DNAH11: variants seen among roughly 807,000 people sequenced by gnomAD.
The protein encoded by DNAH11 is dynein axonemal heavy chain 11, also known as axonemal beta dynein heavy chain 11.
A neutral mutation model predicts 526.0 loss-of-function variants in DNAH11; 442 were observed. The observed-to-expected ratio is 0.84, with a 90% CI of 0.78 to 0.91. The LOEUF (loss-of-function observed/expected upper bound fraction) is 0.91, where lower values mean the gene tolerates loss of function less well. Among genes scored for constraint, DNAH11 ranks in the 40% least tolerant of loss-of-function variants. The probability of loss-of-function intolerance (pLI) is 0.00; values close to 1 mark genes in which losing one functional copy is unlikely to be tolerated. For synonymous variants in DNAH11, 2,461 were observed against 1,935.9 expected, an observed-to-expected ratio of 1.27 and a Z score of -7.12; for missense variants, 6,989 against 5,448.7, an observed-to-expected ratio of 1.28 and a Z score of -8.90.
rs76496941 is a variant in DNAH11, at chr7:21,795,839, G to A, written c.10027-5298G>A. Among the ~76,000 whole-genome samples, 1,503 of 152,310 alleles carry A rather than the reference G, an allele frequency of 9.9e-3. 18 individuals are homozygous for A. Among genetic ancestry groups the A allele is most frequent in the African/African-American group, 0.034 (1,414 of 41,556 alleles). Reference sequence around the variant, plus strand: ...AGAATGGAGTTGGTCAGTTCTGCACGTGAGGATGGGGTTGGGTGCTCAGGA... The same window carrying A: ...AGAATGGAGTTGGTCAGTTCTGCACATGAGGATGGGGTTGGGTGCTCAGGA... On this transcript the variant is annotated intron_variant, in intron 61 of 81. Coordinates refer to ENST00000409508, the MANE Select transcript of DNAH11 (RefSeq NM_001277115.2).
rs901831223 is a variant in DNAH11, at chr7:21,651,408, G to A, written c.4945-4424G>A. ...GACAGAGTCTCGCTCTGTCACCCAG[G>A]CTGGAGTGCAGTGGCGCGATCTCAG... On this transcript the variant is annotated intron_variant, in intron 28 of 81. Coordinates refer to ENST00000409508, the MANE Select transcript of DNAH11 (RefSeq NM_001277115.2). Among the ~76,000 whole-genome samples, 11 of 151,808 alleles carry A rather than the reference G, an allele frequency of 7.2e-5. No homozygotes were observed. In the East Asian group the frequency reaches 9.7e-4, roughly 13 times the overall value.
chr7:21,823,584 C>T (rs774665167), intron 65 of DNAH11, among the ~76,000 whole-genome samples: 7 of 152,054 alleles, frequency 4.6e-5, no homozygotes, highest in Non-Finnish European at 7.4e-5. Context: ...TTTTTCTCCC[C>T]CTTACAATAT....
At chr7:21,575,429 T>G (rs1784052750) in intron 8 of DNAH11, among the ~76,000 whole-genome samples, 1 of 152,242 alleles carries the variant, frequency 6.6e-6, no homozygotes, top group Non-Finnish European at 1.5e-5. Flanking sequence ...TGTACTAGGT[T>G]GTATTCTAAT....
At chr7:21,877,096 A>G (rs912999429) in intron 74 of DNAH11, among the ~76,000 whole-genome samples, 1 of 152,210 alleles carries the variant, frequency 6.6e-6, no homozygotes, top group Non-Finnish European at 1.5e-5. Context: ...CTTGTTACCC[A>G]TATGGGTTAG....
At chr7:21,834,181 C>A (rs1401380085) in intron 65 of DNAH11, among the ~76,000 whole-genome samples, 2 of 152,004 alleles carry the variant, frequency 1.3e-5, no homozygotes, top group African/African-American at 4.8e-5. Flanking sequence ...CAGAATAAAA[C>A]TAGAAATCAA....
intron 5 of DNAH11, among the ~76,000 whole-genome samples, chr7:21,562,126 T>A (rs1783484031): frequency 2.0e-5 from 3 of 152,368 alleles, no homozygotes; most frequent in South Asian, 4.1e-4. Flanking sequence ...TTGGCCAAAT[T>A]GGCCTATTAA....
At chr7:21,729,688 G>T (rs965882442) in intron 45 of DNAH11, among the ~76,000 whole-genome samples, 1 of 124,034 alleles carries the variant, frequency 8.1e-6, no homozygotes, top group African/African-American at 2.9e-5. Context: ...TTGCTTTTCT[G>T]CCAGTGTCAA....
intron 55 of DNAH11, among the ~76,000 whole-genome samples, chr7:21,768,668 A>C (rs939978457): frequency 6.6e-6 from 1 of 152,184 alleles, no homozygotes; most frequent in Non-Finnish European, 1.5e-5. Context: ...CCACCTCTTC[A>C]ATTGTTGCAG....
At chr7:21,662,697 C>G (rs1198135042) in intron 30 of DNAH11, among the ~76,000 whole-genome samples, 2 of 151,920 alleles carry the variant, frequency 1.3e-5, no homozygotes, top group Non-Finnish European at 2.9e-5. Flanking sequence ...TACAATAGAC[C>G]TCTTGAACTT....
rs563280837 is a variant in DNAH11, at chr7:21,702,774, G to A, written c.6245G>A (p.Arg2082Gln). 22 of 1,613,266 alleles carry A rather than the reference G, an allele frequency of 1.4e-5. No homozygotes were observed. The highest frequency in any genetic ancestry group is 4.5e-5 in the East Asian group (2 of 44,860). Residue 2082 changes from arginine to glutamine, a missense_variant, in exon 37 of 82, where the codon CGA (arginine) becomes CAA (glutamine). Physicochemically the swap from Arg to Gln is conservative, Grantham distance 43. Coordinates refer to ENST00000409508, the MANE Select transcript of DNAH11 (RefSeq NM_001277115.2). The stretch of plus-strand genomic sequence containing the variant: ...TTGGTTGTGGCTGGATCTCTGAAAC[G>A]AGGAGATAAAAATAGACCCGAAGAT... ...SVLVVAGSLK[R>Q]GDKNRPEDQV...
intron 45 of DNAH11, among the ~76,000 whole-genome samples, chr7:21,730,110 G>A (rs1470787456): frequency 6.6e-6 from 1 of 152,176 alleles, no homozygotes; most frequent in Non-Finnish European, 1.5e-5. Context: ...ATATGATCTA[G>A]CAATCCCACT....
intron 65 of DNAH11, among the ~76,000 whole-genome samples, chr7:21,823,660 A>G (rs901736488): frequency 8.5e-5 from 13 of 152,176 alleles, no homozygotes; most frequent in Non-Finnish European, 1.5e-4. Context: ...AGAATCATAT[A>G]CTATATGCCT....
chr7:21,759,868 G>C (rs767583468), intron 54 of DNAH11, among the ~76,000 whole-genome samples: 1 of 152,064 alleles, frequency 6.6e-6, no homozygotes, highest in Non-Finnish European at 1.5e-5. Context: ...ACACCTGTGT[G>C]GGCAAAAGAA....
At chr7:21,597,548 A>G (rs1044258837) in intron 14 of DNAH11, among the ~76,000 whole-genome samples, 1 of 152,186 alleles carries the variant, frequency 6.6e-6, no homozygotes, top group Non-Finnish European at 1.5e-5. Flanking sequence ...GCAAAGGGGA[A>G]GCAAGGTCCG....
At chr7:21,759,649 G>A (rs1786808483) in intron 54 of DNAH11, among the ~76,000 whole-genome samples, 1 of 152,014 alleles carries the variant, frequency 6.6e-6, no homozygotes, top group Non-Finnish European at 1.5e-5. Flanking sequence ...ATATGTAGGA[G>A]GGTTACTACC....
chr7:21,786,769 T>TATC lies in DNAH11; in HGVS notation c.9741+4_9741+6dup. On this transcript the variant is annotated splice_region_variant and intron_variant, in intron 59 of 81. Transcript: ENST00000409508. ...GCAGCTAAAGTCTTCATGGGAAAGG[T>TATC]ATCAGCCCAGCCTGGCAAGATGAAA... The TATC allele has an allele frequency of 6.2e-7, 1 of 1,613,726 alleles. No individual in the cohort carries two copies. Among genetic ancestry groups the TATC allele is most frequent in the Non-Finnish European group, 8.5e-7 (1 of 1,179,702 alleles).
intron 63 of DNAH11, among the ~76,000 whole-genome samples, chr7:21,813,669 T>C (rs188417097): frequency 2.4e-4 from 37 of 152,348 alleles, no homozygotes. Flanking sequence ...CTTTTCTCTC[T>C]AGCAAATGCT....
chr7:21,824,793 C>T (rs1341320138), intron 65 of DNAH11, among the ~76,000 whole-genome samples: 1 of 152,186 alleles, frequency 6.6e-6, no homozygotes, highest in African/African-American at 2.4e-5. Context: ...TTTAAAAGGA[C>T]TTGATTTTTT....
intron 9 of DNAH11, among the ~76,000 whole-genome samples, chr7:21,586,065 A>G (rs1172165600): frequency 6.6e-6 from 1 of 152,212 alleles, no homozygotes; most frequent in Non-Finnish European, 1.5e-5. Flanking sequence ...ACAATAATGT[A>G]TACTGCCTAA....
Sources: gnomAD v4.1 joint callset for allele counts (sites outside exome capture counted in the v4.1 genomes callset) on GRCh38, gnomAD v4.1.1 for gene constraint, MANE v1.5 for transcripts, NCBI Gene and HGNC (gene_info 2026-07-23, HGNC 2026-07-21) for gene names.